RAI14: variants seen among roughly 807,000 people sequenced by gnomAD.
The protein encoded by RAI14 is ankycorbin.
Under a neutral mutation model 115.4 loss-of-function variants are expected in RAI14, and 45 were observed. That is an observed-to-expected ratio of 0.39 (90% CI 0.31 to 0.50). The LOEUF is 0.50. Ranked by LOEUF, RAI14 falls within the 20% of genes least tolerant of loss-of-function variation. The pLI is 0.85. For synonymous variants in RAI14, 371 were observed against 415.4 expected (o/e 0.89, Z 1.30); for missense variants, 939 against 1,131.2 (o/e 0.83, Z 2.44).
intron 2 of RAI14, among the ~76,000 whole-genome samples, chr5:34,756,109 CAT>C (rs1412478020): frequency 6.6e-6 from 1 of 152,164 alleles, no homozygotes; most frequent in Non-Finnish European, 1.5e-5. Context: ...ATTCTGAACA[CAT>C]CTCTTTTATC....
intron 2 of RAI14, among the ~76,000 whole-genome samples, chr5:34,717,891 G>A (rs1742185115): frequency 9.2e-6 from 1 of 108,246 alleles, no homozygotes. Context: ...CATGGGTAAT[G>A]AAGTTGTTCC....
intron 2 of RAI14, 84 bp downstream of exon 2, chr5:34,687,039 C>T (rs941756664): frequency 6.8e-7 from 1 of 1,481,048 alleles, no homozygotes; most frequent in Non-Finnish European, 9.4e-7. Flanking sequence ...TGATAAGGCG[C>T]TGTTGGGTTA....
chr5:34,814,645 AT>A lies in RAI14; in HGVS notation c.921del (p.Phe307LeufsTer20). The A allele has an allele frequency of 1.2e-6, 2 of 1,613,000 alleles. No individual in the cohort carries two copies. The highest frequency in any genetic ancestry group is 1.1e-5 in the South Asian group (1 of 91,054). On this transcript the variant is annotated frameshift_variant, in exon 12 of 18. Transcript: ENST00000265109. LOFTEE classifies it high-confidence loss of function. ...CTCCACTATCGGGAAAGGAATCGGT[AT>A]TTTTTGCTGAACCACCCTTCAAGGT... ...STPLSGKESV[F>X]FAEPPFKAEI...
At chr5:34,685,868 AC>A (rs1225238297) in intron 1 of RAI14, 1 of 152,150 alleles carries the variant, frequency 6.6e-6, no homozygotes, top group Non-Finnish European at 1.5e-5. Flanking sequence ...GGGACCACAG[AC>A]CCATGTTAAA....
intron 5 of RAI14, among the ~76,000 whole-genome samples, chr5:34,804,788 C>T (rs1047683651): frequency 1.3e-5 from 2 of 152,160 alleles, no homozygotes; most frequent in South Asian, 2.1e-4. Flanking sequence ...CTTTTCTTAC[C>T]TGCCTCTTCT....
rs577297580 is a variant in RAI14, at chr5:34,784,547, A to G, written c.168-11392A>G. Among the ~76,000 whole-genome samples, 82 of 152,314 alleles carry G rather than the reference A, an allele frequency of 5.4e-4. No individual in the cohort carries two copies. The South Asian group carries it at 7.0e-3, about 13-fold the overall frequency. Reference sequence around the variant, plus strand: ...AGGATCATATCCATGTAATTTAACAATCTGAGTTCTCCCATTTCCTATCAT... The same window carrying G: ...AGGATCATATCCATGTAATTTAACAGTCTGAGTTCTCCCATTTCCTATCAT... On this transcript the variant is annotated intron_variant, in intron 3 of 17. Coordinates refer to ENST00000265109, the MANE Select transcript of RAI14 (RefSeq NM_015577.3).
In RAI14 at chr5:34,726,372, G is replaced by A. The variant is rs146578898; in HGVS notation, c.37-31096G>A. ...GGAAGGGTGAAGGGGAAGCAAGCAC[G>A]TCTTCACATGGTGGCAGGAGAAAGA... On this transcript the variant is annotated intron_variant, in intron 2 of 17. Transcript: ENST00000265109. 1.5e-3 allele frequency among the ~76,000 whole-genome samples: 224 copies of A among 152,314 alleles called. 1 individual carries two copies. Among genetic ancestry groups the A allele is most frequent in the African/African-American group, 5.1e-3 (210 of 41,582 alleles).
In RAI14 at chr5:34,822,975, C is replaced by A; in HGVS notation, c.1133C>A (p.Ala378Glu). The change falls in exon 15 of 18, where the codon GCG (alanine) becomes GAG (glutamate). Residue 378 changes from alanine (A) to glutamate (E), a missense_variant. Physicochemically the swap from Ala to Glu is moderately radical, Grantham distance 107. Transcript: ENST00000265109. ...DKLQAKSPKE[A>E]EADLSFDSYH... The stretch of plus-strand genomic sequence containing the variant: ...TCCTAGGCCAAATCACCCAAGGAGG[C>A]GGAAGCAGACCTAAGCTTTGACTCA... 4 of 1,611,874 alleles carry A rather than the reference C, an allele frequency of 2.5e-6. No homozygotes were observed. Among genetic ancestry groups the A allele is most frequent in the Non-Finnish European group, 3.4e-6 (4 of 1,179,190 alleles).
intron 2 of RAI14, among the ~76,000 whole-genome samples, chr5:34,718,855 A>G (rs1259357958): frequency 6.6e-6 from 1 of 152,214 alleles, no homozygotes; most frequent in Non-Finnish European, 1.5e-5. Flanking sequence ...CTGCGCAGGA[A>G]AGGTGGCACT....
At chr5:34,739,762 G>A (rs1193072418) in intron 2 of RAI14, among the ~76,000 whole-genome samples, 3 of 152,238 alleles carry the variant, frequency 2.0e-5, no homozygotes, top group South Asian at 4.1e-4. Flanking sequence ...GGATACAGAC[G>A]TAAAAGCCAT....
chr5:34,707,010 C>T (rs1317225090), intron 2 of RAI14, among the ~76,000 whole-genome samples: 3 of 152,182 alleles, frequency 2.0e-5, no homozygotes, highest in East Asian at 1.9e-4. Flanking sequence ...GAGGCAAAGA[C>T]GTCAGCTCAA....
In RAI14 at chr5:34,811,879, T is replaced by G. The variant is rs764457317; in HGVS notation, c.670T>G (p.Tyr224Asp). 68 of 1,613,046 alleles carry G rather than the reference T, an allele frequency of 4.2e-5. No homozygotes were observed. Among genetic ancestry groups the G allele is most frequent in the Non-Finnish European group, 5.4e-5 (64 of 1,179,418 alleles). The change falls in exon 9 of 18, where the codon TAT (tyrosine) becomes GAT (aspartate). Residue 224 changes from tyrosine (Y) to aspartate (D), a missense_variant. Coordinates refer to ENST00000265109, the MANE Select transcript of RAI14 (RefSeq NM_015577.3). ...VDSLGYNALH[Y>D]SKLSENAGIQ... ...TTCTCTTGGATACAATGCCTTACAT[T>G]ATTCCAAACTCTCAGAAAATGCAGG...
chr5:34,708,008 T>C (rs1740914486), intron 2 of RAI14, among the ~76,000 whole-genome samples: 1 of 152,156 alleles, frequency 6.6e-6, no homozygotes, highest in African/African-American at 2.4e-5. Flanking sequence ...AAAGTCTATG[T>C]CTTTATGTGT....
intron 3 of RAI14, among the ~76,000 whole-genome samples, chr5:34,793,867 G>T (rs1160339857): frequency 3.9e-5 from 6 of 152,116 alleles, no homozygotes; most frequent in East Asian, 1.9e-4. Flanking sequence ...TAATCCAGGG[G>T]CATTTCAATT....
At chr5:34,794,778 C>T (rs1190097787) in intron 3 of RAI14, among the ~76,000 whole-genome samples, 1 of 152,194 alleles carries the variant, frequency 6.6e-6, no homozygotes, top group African/African-American at 2.4e-5. Flanking sequence ...GTCCCCCTCA[C>T]TCAGCCAGGT....
intron 16 of RAI14, 68 bp from the exon 17 acceptor site, chr5:34,829,664 T>G (rs1415277705): frequency 8.8e-6 from 12 of 1,357,040 alleles, no homozygotes; most frequent in Non-Finnish European, 1.1e-5. Context: ...AGCTTTCTCA[T>G]AGTTTTTTGT....
rs71600954 is a variant in RAI14, at chr5:34,752,749, G to GTATATATATATATATATATA, written c.37-4702_37-4701insATATATATATATATATATAT. 3.7e-4 allele frequency among the ~76,000 whole-genome samples: 40 copies of GTATATATATATATATATATA among 107,052 alleles called. 1 individual carries two copies. The highest frequency in any genetic ancestry group is 1.3e-3 in the African/African-American group (35 of 26,512). 70.2% of individuals were successfully genotyped at this position (107,052 alleles called of 152,430 possible). A position where few individuals can be genotyped will look rare whatever the true frequency, so the allele number is the denominator to read the frequency against. On this transcript the variant is annotated intron_variant, in intron 2 of 17. Transcript: ENST00000265109. ...TGTGTGTGTGTGTGTGTGTGTGTGT[G>GTATATATATATATATATATA]TATATATATATATATATGTATCTTT...
intron 2 of RAI14, among the ~76,000 whole-genome samples, chr5:34,688,735 A>G (rs926407147): frequency 2.0e-5 from 3 of 152,182 alleles, no homozygotes; most frequent in Non-Finnish European, 4.4e-5. Flanking sequence ...TTCCCCAAGC[A>G]CAGAACCGTA....
At chr5:34,777,693 C>T (rs962816125) in intron 3 of RAI14, among the ~76,000 whole-genome samples, 20 of 152,034 alleles carry the variant, frequency 1.3e-4, no homozygotes, top group Non-Finnish European at 2.9e-5. Context: ...GCAGGAGAAT[C>T]GCTTGAACCC....
Sources: gnomAD v4.1 joint callset for allele counts (sites outside exome capture counted in the v4.1 genomes callset) on GRCh38, gnomAD v4.1.1 for gene constraint, MANE v1.5 for transcripts, NCBI Gene and HGNC (gene_info 2026-07-23, HGNC 2026-07-21) for gene names.